Variants in ZNF365 observed in about 807,000 individuals in gnomAD.
The protein encoded by ZNF365 is zinc finger protein 365, also known as protein ZNF365.
In ZNF365, 22 loss-of-function variants were observed where a neutral mutation model predicts 35.0. The observed-to-expected ratio is 0.63, with a 90% CI of 0.45 to 0.90. The LOEUF (loss-of-function observed/expected upper bound fraction) is 0.90, where lower values mean the gene tolerates loss of function less well. Ranked by LOEUF, ZNF365 falls within the 40% of genes least tolerant of loss-of-function variation. ZNF365 has a pLI of 0.00. For synonymous variants in ZNF365, 188 were observed against 196.2 expected (o/e 0.96, Z 0.35); for missense variants, 448 against 500.3 (o/e 0.90, Z 1.00).
chr10:62,439,487 A>C (rs765866093), intron 3 of ZNF365, among the ~76,000 whole-genome samples: 1 of 152,220 alleles, frequency 6.6e-6, no homozygotes, highest in Non-Finnish European at 1.5e-5. Flanking sequence ...TAGCCAATGA[A>C]GCATAGGGGA....
chr10:62,406,733 T>C (rs1589439460), downstream of ZNF365, among the ~76,000 whole-genome samples: 1 of 152,182 alleles, frequency 6.6e-6, no homozygotes, highest in Non-Finnish European at 1.5e-5. Context: ...GTAGAAAGCA[T>C]AGGACAAGTG....
At chr10:62,455,642 C>T (rs1204135606) in intron 3 of ZNF365, among the ~76,000 whole-genome samples, 1 of 151,446 alleles carries the variant, frequency 6.6e-6, no homozygotes, top group Non-Finnish European at 1.5e-5. Context: ...AAACTATGTG[C>T]ATATGGTAAA....
At position 62,376,855 on chromosome 10, in the gene ZNF365, A is replaced by C; in HGVS notation, c.662A>C (p.Gln221Pro). The change falls in exon 2 of 5, where the codon CAG (glutamine) becomes CCG (proline). Residue 221 changes from glutamine (Q) to proline (P), a missense_variant. By Grantham distance (76) the Gln-to-Pro change is moderately conservative (BLOSUM62 -1). Transcript: ENST00000395254. The stretch of plus-strand genomic sequence containing the variant: ...AGACGAGAGCGGGCCTTAAACAGAC[A>C]GGTGGACGTGGCCGTGGAAATGATA... ...VQRRERALNR[Q>P]VDVAVEMIAV... 6.2e-7 allele frequency: 1 copy of C among 1,614,188 alleles called. No homozygotes were observed.
chr10:62,396,795 G>A (rs952616586), intron 3 of ZNF365, among the ~76,000 whole-genome samples: 3 of 152,040 alleles, frequency 2.0e-5, no homozygotes, highest in African/African-American at 4.8e-5. Context: ...AAATTCCAAA[G>A]AGCAGTATGT....
chr10:62,465,777 G>A (rs1228720598), intron 4 of ZNF365, among the ~76,000 whole-genome samples: 2 of 152,172 alleles, frequency 1.3e-5, no homozygotes, highest in African/African-American at 4.8e-5. Flanking sequence ...GGGACCCACT[G>A]AATGATGGGA....
chr10:62,475,208 C>T (rs1456301789), intron 4 of ZNF365, among the ~76,000 whole-genome samples: 2 of 152,176 alleles, frequency 1.3e-5, no homozygotes, highest in Non-Finnish European at 2.9e-5. Flanking sequence ...GACAAGTGGT[C>T]TATCAAATGG....
In ZNF365 at chr10:62,399,795, T is replaced by G; in HGVS notation, c.*6T>G. The G allele has an allele frequency of 6.2e-7, 1 of 1,609,882 alleles. No individual in the cohort carries two copies. Among genetic ancestry groups the G allele is most frequent in the Non-Finnish European group, 8.5e-7 (1 of 1,178,236 alleles). ...CCATTGTGAACATCATCTAAAAGGGTGGGTGGTGCTGGACCAATCATCGCT... is the reference window on the plus strand; with the variant it reads ...CCATTGTGAACATCATCTAAAAGGGGGGGTGGTGCTGGACCAATCATCGCT... On this transcript the variant is annotated 3_prime_UTR_variant, in exon 5 of 5. Coordinates refer to ENST00000395254, the MANE Select transcript of ZNF365 (RefSeq NM_014951.3).
At chr10:62,399,503 C>T (rs774099450) in intron 4 of ZNF365, 25 bp from the exon 5 acceptor site, 7 of 1,607,664 alleles carry the variant, frequency 4.4e-6, no homozygotes, top group Non-Finnish European at 6.0e-6. Flanking sequence ...ATCTCTTCTC[C>T]ACTCCCCCCT....
At chr10:62,391,445 C>A (rs923875449) in intron 3 of ZNF365, among the ~76,000 whole-genome samples, 18 of 152,130 alleles carry the variant, frequency 1.2e-4, no homozygotes, top group Non-Finnish European at 1.6e-4. Flanking sequence ...CATTCTTAAG[C>A]CTTTGCATTC....
intron 4 of ZNF365, among the ~76,000 whole-genome samples, chr10:62,470,786 G>T (rs1841020775): frequency 6.6e-6 from 1 of 152,148 alleles, no homozygotes; most frequent in Non-Finnish European, 1.5e-5. Flanking sequence ...GCTTGTGTGT[G>T]TGTGTGTTGC....
chr10:62,423,830 A>G (rs1840211223), intron 3 of ZNF365, among the ~76,000 whole-genome samples: 1 of 152,192 alleles, frequency 6.6e-6, no homozygotes, highest in Non-Finnish European at 1.5e-5. Context: ...TAATTATAAT[A>G]ATAAGCATGA....
intron 4 of ZNF365, among the ~76,000 whole-genome samples, chr10:62,465,498 A>C (rs981225775): frequency 1.3e-5 from 2 of 152,192 alleles, no homozygotes; most frequent in African/African-American, 4.8e-5. Flanking sequence ...TTCCAGGTGG[A>C]GTCCATGACC....
chr10:62,404,204 T>C (rs1482074533), downstream of ZNF365, among the ~76,000 whole-genome samples: 1 of 152,236 alleles, frequency 6.6e-6, no homozygotes. Context: ...GGGACACTGA[T>C]ACATTTTGCA....
chr10:62,443,149 T>C (rs543345322), intron 3 of ZNF365, among the ~76,000 whole-genome samples: 24 of 152,314 alleles, frequency 1.6e-4, no homozygotes, highest in African/African-American at 5.5e-4. Flanking sequence ...TTGGCAAACA[T>C]TGAGTGCCCT....
At position 62,464,935 on chromosome 10, in the gene ZNF365, G is replaced by A. The variant is rs1840913811; in HGVS notation, c.981+5138G>A. 2.0e-5 allele frequency among the ~76,000 whole-genome samples: 3 copies of A among 152,362 alleles called. No individual in the cohort carries two copies. The South Asian group carries it at 6.2e-4, about 32-fold the overall frequency. ...CAGAGCTGTGCACTCTGCAGCACCA[G>A]CAGGGGCCGGAAGCAGGTGGTGCCA... On this transcript the variant is annotated intron_variant, in intron 4 of 4. Coordinates refer to the ZNF365 transcript ENST00000395255.
At chr10:62,462,596 A>G (rs565589750) in intron 4 of ZNF365, among the ~76,000 whole-genome samples, 1 of 152,322 alleles carries the variant, frequency 6.6e-6, no homozygotes, top group Non-Finnish European at 1.5e-5. Context: ...GTGTAGACAG[A>G]TGACAAAATA....
At chr10:62,463,959 C>T (rs1840889536) in intron 4 of ZNF365, among the ~76,000 whole-genome samples, 1 of 152,118 alleles carries the variant, frequency 6.6e-6, no homozygotes, top group African/African-American at 2.4e-5. Flanking sequence ...ACACTGACAC[C>T]AGCGGGATGT....
intron 3 of ZNF365, among the ~76,000 whole-genome samples, chr10:62,427,169 T>C (rs1840263191): frequency 6.6e-6 from 1 of 152,228 alleles, no homozygotes; most frequent in Admixed American, 6.5e-5. Context: ...TTCTATACTA[T>C]TTATCATTAT....
chr10:62,418,264 G>A (rs185075255), intron 3 of ZNF365, among the ~76,000 whole-genome samples: 750 of 151,856 alleles, frequency 4.9e-3, no homozygotes, highest in Middle Eastern at 0.01. Context: ...TATTTATATG[G>A]TTTGGAGTTC....
Sources: allele counts gnomAD v4.1 joint callset (sites outside exome capture counted in the v4.1 genomes callset), GRCh38; gene constraint gnomAD v4.1.1; transcripts MANE v1.5; gene names NCBI Gene and HGNC (gene_info 2026-07-23, HGNC 2026-07-21).